HECW1: variants seen among roughly 807,000 people sequenced by gnomAD.
HECW1 encodes the protein HECT, C2 and WW domain containing E3 ubiquitin protein ligase 1, also known as E3 ubiquitin-protein ligase HECW1.
In HECW1, 61 loss-of-function variants were observed where a neutral mutation model predicts 182.3. The observed-to-expected ratio is 0.33, with a 90% CI of 0.27 to 0.41. The LOEUF (loss-of-function observed/expected upper bound fraction) is 0.41, where lower values mean the gene tolerates loss of function less well. HECW1 is among the 10% of genes least tolerant of loss of function. The probability of loss-of-function intolerance (pLI) is 1.00; values close to 1 mark genes in which losing one functional copy is unlikely to be tolerated. For missense variants in HECW1, 1,739 were observed against 2,108.9 expected (o/e 0.82, Z 3.44); for synonymous variants, 859 against 832.6 (o/e 1.03, Z -0.55).
chr7:43,508,798 A>C (rs2079716590), intron 23 of HECW1, 171 bp from the exon 24 acceptor site: 1 of 668,684 alleles, frequency 1.5e-6, no homozygotes, highest in Admixed American at 2.5e-5. Flanking sequence ...CTGCATCCTC[A>C]TTTTCTACAG....
At chr7:43,439,429 A>G (rs1011282435) in intron 9 of HECW1, 2 of 152,254 alleles carry the variant, frequency 1.3e-5, no homozygotes, top group African/African-American at 2.4e-5. Flanking sequence ...CAGGGTTCCT[A>G]GGACTGATTC....
intron 29 of HECW1, among the ~76,000 whole-genome samples, chr7:43,558,949 A>C (rs2152964802): frequency 1.3e-5 from 2 of 152,332 alleles, no homozygotes; most frequent in Middle Eastern, 6.8e-3. Context: ...TCTGAAGAGA[A>C]CAAGGCTGTA....
At chr7:43,467,362 C>T (rs139290871) in intron 15 of HECW1, among the ~76,000 whole-genome samples, 1,546 of 152,160 alleles carry the variant, frequency 0.01, 27 homozygotes, top group African/African-American at 0.036. Flanking sequence ...AGAGGGACAT[C>T]TGTAGAAAGG....
At chr7:43,411,784 C>G (rs1429200993) in intron 8 of HECW1, among the ~76,000 whole-genome samples, 1 of 152,078 alleles carries the variant, frequency 6.6e-6, no homozygotes, top group Non-Finnish European at 1.5e-5. Flanking sequence ...GCCACTCCAG[C>G]CTCCCTTATG....
chr7:43,362,234 T>A (rs1248590194), intron 6 of HECW1, among the ~76,000 whole-genome samples: 1 of 152,068 alleles, frequency 6.6e-6, no homozygotes, highest in Non-Finnish European at 1.5e-5. Context: ...ATTTTGCTGC[T>A]TTGCAAATCA....
rs57627873 is a variant in HECW1 at position 43,429,289 on chromosome 7, CATATATATATATATATATATAT to C, written c.802-8688_802-8667del. ...ATATAAACTTTCCATATATTATATG[CATATATATATATATATATATAT>C]ATATATATATATATATATATATATA... On this transcript the variant is annotated intron_variant, in intron 8 of 29. Transcript: ENST00000395891. Among the ~76,000 whole-genome samples the C allele has an allele frequency of 8.3e-3, 890 of 106,684 alleles. 12 individuals are homozygous for C. Among genetic ancestry groups the C allele is most frequent in the African/African-American group, 0.022 (618 of 27,688 alleles). 70.0% of individuals were successfully genotyped at this position (106,684 alleles called of 152,430 possible).
At chr7:43,488,836 G>A (rs924238748) in intron 17 of HECW1, among the ~76,000 whole-genome samples, 3 of 152,130 alleles carry the variant, frequency 2.0e-5, no homozygotes, top group Non-Finnish European at 4.4e-5. Context: ...GCTCAGGGAC[G>A]CAGCAAGCCG....
At chr7:43,240,449 C>T (rs1218778673) in intron 2 of HECW1, among the ~76,000 whole-genome samples, 5 of 152,194 alleles carry the variant, frequency 3.3e-5, no homozygotes, top group African/African-American at 7.2e-5. Context: ...ACTTATCAGA[C>T]GACAGACCGA....
At chr7:43,511,089 G>C (rs763885024) in intron 24 of HECW1, 1 of 152,222 alleles carries the variant, frequency 6.6e-6, no homozygotes, top group East Asian at 1.9e-4. Context: ...TGTGATACAG[G>C]GATTTTGCAA....
rs1562988025 is a variant in HECW1 at position 43,445,428 on chromosome 7, C to G, written c.2256C>G (p.Ser752=). ...ENSAFESVPD[S]MQSPELDPES... ...GCGCGTTCGAGTCGGTACCCGACTC[C>G]ATGCAGAGCCCTGAGCTGGACCCGG... Residue 752 remains serine (S), a synonymous_variant, in exon 11 of 30, where the codon TCC becomes TCG. Coordinates refer to ENST00000395891, the MANE Select transcript of HECW1 (RefSeq NM_015052.5). 21 of 1,613,364 alleles carry G rather than the reference C, an allele frequency of 1.3e-5. No homozygotes were observed. Among genetic ancestry groups the G allele is most frequent in the Non-Finnish European group, 1.8e-5 (21 of 1,179,980 alleles).
intron 2 of HECW1, among the ~76,000 whole-genome samples, chr7:43,215,180 T>A (rs531094460): frequency 8.5e-5 from 13 of 152,372 alleles, no homozygotes; most frequent in African/African-American, 3.1e-4. Context: ...TACCAGTGAC[T>A]GTATAGGCAC....
intron 2 of HECW1, among the ~76,000 whole-genome samples, chr7:43,198,372 C>A (rs889235210): frequency 1.3e-5 from 2 of 150,864 alleles, no homozygotes; most frequent in African/African-American, 4.9e-5. Flanking sequence ...CACGCTCTCA[C>A]ACACACGTCT....
intron 2 of HECW1, among the ~76,000 whole-genome samples, chr7:43,141,280 C>A (rs751728052): frequency 5.9e-5 from 9 of 152,114 alleles, no homozygotes; most frequent in Non-Finnish European, 1.2e-4. Context: ...GGGTGCCCAC[C>A]CCCACGGCCC....
At chr7:43,359,639 A>C (rs183291189) in intron 5 of HECW1, among the ~76,000 whole-genome samples, 1 of 152,330 alleles carries the variant, frequency 6.6e-6, no homozygotes, top group East Asian at 1.9e-4. Context: ...ATTATGCAAA[A>C]ATCTCAGAAG....
chr7:43,376,327 G>T (rs1417644612), intron 6 of HECW1, among the ~76,000 whole-genome samples: 1 of 152,046 alleles, frequency 6.6e-6, no homozygotes, highest in African/African-American at 2.4e-5. Flanking sequence ...AGAAAGGAAG[G>T]GCTTTTTGAT....
intron 4 of HECW1, among the ~76,000 whole-genome samples, chr7:43,315,401 A>G (rs1809082904): frequency 6.6e-6 from 1 of 152,054 alleles, no homozygotes; most frequent in South Asian, 2.1e-4. Context: ...GCGCTTCTAC[A>G]TCATTGGCCT....
intron 3 of HECW1, among the ~76,000 whole-genome samples, chr7:43,246,252 A>G (rs1799371030): frequency 6.6e-6 from 1 of 152,322 alleles, no homozygotes. Flanking sequence ...ACAGTGAGCT[A>G]ATATGGCACC....
chr7:43,477,567 A>G (rs919390212), intron 16 of HECW1, among the ~76,000 whole-genome samples: 4 of 152,000 alleles, frequency 2.6e-5, no homozygotes, highest in Admixed American at 1.3e-4. Context: ...TCCTCTACCA[A>G]TTTTTCAAGG....
chr7:43,456,306 C>T lies in HECW1; in HGVS notation c.2510C>T (p.Ala837Val). ...IDEPLPPNWE[A>V]RIDSHGRVFY... ...TTTTATTAAACACTAGACTGGGAAGCTCGAATTGACAGCCACGGGCGGGTC... is the reference window on the plus strand; with the variant it reads ...TTTTATTAAACACTAGACTGGGAAGTTCGAATTGACAGCCACGGGCGGGTC... Residue 837 changes from alanine to valine, a missense_variant, in exon 13 of 30, where the codon GCT becomes GTT. Physicochemically the swap from Ala to Val is moderately conservative, Grantham distance 64 (BLOSUM62 0). Coordinates refer to ENST00000395891, the MANE Select transcript of HECW1 (RefSeq NM_015052.5). 6.2e-7 allele frequency: 1 copy of T among 1,611,848 alleles called. No individual in the cohort carries two copies. The highest frequency in any genetic ancestry group is 8.5e-7 in the Non-Finnish European group (1 of 1,178,558).
Sources: allele counts gnomAD v4.1 joint callset (sites outside exome capture counted in the v4.1 genomes callset), GRCh38; gene constraint gnomAD v4.1.1; transcripts MANE v1.5; gene names NCBI Gene and HGNC (gene_info 2026-07-23, HGNC 2026-07-21).